Variants in SELENOF observed in about 807,000 individuals in gnomAD.
SELENOF encodes the protein 15 kDa selenoprotein.
SELENOF carries 16 observed loss-of-function variants against 20.5 expected under a neutral mutation model. The ratio of observed to expected loss-of-function variants is 0.78; its 90% CI spans 0.53 to 1.19. The LOEUF (loss-of-function observed/expected upper bound fraction) is 1.19. Ranked by LOEUF, SELENOF falls within the 50% of genes most tolerant of loss-of-function variation. The probability of loss-of-function intolerance (pLI) is 0.00; values close to 1 mark genes in which losing one functional copy is unlikely to be tolerated. For missense variants in SELENOF, 215 were observed against 194.2 expected, an observed-to-expected ratio of 1.11 and a Z score of -0.64; for synonymous variants, 78 against 74.5, an observed-to-expected ratio of 1.05 and a Z score of -0.24.
At chr1:86,898,705 C>T (rs1397624423) in intron 2 of SELENOF, among the ~76,000 whole-genome samples, 1 of 151,712 alleles carries the variant, frequency 6.6e-6, no homozygotes, top group African/African-American at 2.4e-5. Flanking sequence ...CCTCAGCCTC[C>T]CAAGTAGCTG....
At chr1:86,885,725 GAA>G (rs1236699821) in intron 2 of SELENOF, among the ~76,000 whole-genome samples, 2 of 152,188 alleles carry the variant, frequency 1.3e-5, no homozygotes, top group Non-Finnish European at 2.9e-5. Context: ...ATGGTATAGT[GAA>G]AAGAGTCCAA....
At chr1:86,864,759 C>A (rs892756974) in intron 4 of SELENOF, among the ~76,000 whole-genome samples, 71 of 151,916 alleles carry the variant, frequency 4.7e-4, no homozygotes, top group African/African-American at 1.6e-3. Context: ...GCCTCAGCCT[C>A]CCGAGTAGCT....
chr1:86,882,452 C>T (rs1315115498), intron 2 of SELENOF, among the ~76,000 whole-genome samples: 1 of 147,678 alleles, frequency 6.8e-6, no homozygotes, highest in Non-Finnish European at 1.5e-5. Context: ...CATATCAAAA[C>T]CACAATGAGA....
At chr1:86,875,412 T>C (rs1658900537) in intron 3 of SELENOF, among the ~76,000 whole-genome samples, 1 of 152,058 alleles carries the variant, frequency 6.6e-6, no homozygotes. Context: ...ACTAAAAAAT[T>C]ATGACTTTTA....
chr1:86,882,198 G>A (rs1659089835), intron 2 of SELENOF, among the ~76,000 whole-genome samples: 1 of 134,320 alleles, frequency 7.4e-6, no homozygotes. Flanking sequence ...GCAGTGAGCC[G>A]AGATCACGCC....
At chr1:86,875,865 G>T (rs1281705122) in intron 3 of SELENOF, among the ~76,000 whole-genome samples, 1 of 152,186 alleles carries the variant, frequency 6.6e-6, no homozygotes, top group East Asian at 1.9e-4. Flanking sequence ...AAGTTAGCAA[G>T]AATATTCAGT....
At chr1:86,866,278 T>C (rs2753280) in intron 4 of SELENOF, among the ~76,000 whole-genome samples, 17,603 of 137,134 alleles carry the variant, frequency 0.13, 1,175 homozygotes, top group Non-Finnish European at 0.14. Flanking sequence ...TGGAATACTA[T>C]GCATTCTTAA....
chr1:86,904,937 T>C (rs1659792216), intron 1 of SELENOF, among the ~76,000 whole-genome samples: 1 of 152,254 alleles, frequency 6.6e-6, no homozygotes, highest in Non-Finnish European at 1.5e-5. Flanking sequence ...GATATGCATT[T>C]ATTGAAAACT....
chr1:86,867,116 C>T, intron 4 of SELENOF, among the ~76,000 whole-genome samples: 1 of 152,044 alleles, frequency 6.6e-6, no homozygotes, highest in East Asian at 1.9e-4. Flanking sequence ...AATAAGAAGC[C>T]AATCTGAAAA....
At chr1:86,897,802 G>A (rs1275873837) in intron 2 of SELENOF, among the ~76,000 whole-genome samples, 5 of 152,196 alleles carry the variant, frequency 3.3e-5, no homozygotes, top group Admixed American at 3.3e-4. Context: ...AAGCAAAAAA[G>A]AGGCTGCAAG....
At chr1:86,914,355 T>C (rs1273331432), upstream of SELENOF, 2 of 555,418 alleles carry the variant, frequency 3.6e-6, no homozygotes, top group African/African-American at 3.8e-5. Flanking sequence ...CTCCTTTCTT[T>C]TATTCACGAC....
chr1:86,914,141 A>G, upstream of SELENOF: 1 of 1,606,952 alleles, frequency 6.2e-7, no homozygotes, highest in Non-Finnish European at 8.5e-7. Flanking sequence ...GCCTAGAAGG[A>G]CCCCTAAGCT....
chr1:86,874,861 T>C (rs1658883884), intron 3 of SELENOF, among the ~76,000 whole-genome samples: 1 of 152,232 alleles, frequency 6.6e-6, no homozygotes, highest in African/African-American at 2.4e-5. Context: ...AACATCAATA[T>C]AGAGAATGGC....
At chr1:86,868,610 G>C (rs1461158636) in intron 3 of SELENOF, among the ~76,000 whole-genome samples, 2 of 152,022 alleles carry the variant, frequency 1.3e-5, no homozygotes, top group African/African-American at 2.4e-5. Flanking sequence ...CTGGCAGTGT[G>C]TATGAGTTAC....
At chr1:86,898,063 C>G (rs537210897) in intron 2 of SELENOF, among the ~76,000 whole-genome samples, 1 of 152,270 alleles carries the variant, frequency 6.6e-6, no homozygotes, top group South Asian at 2.1e-4. Context: ...AAAAACAGTA[C>G]TAAAATTTAA....
intron 2 of SELENOF, among the ~76,000 whole-genome samples, chr1:86,891,037 T>C (rs1469689261): frequency 6.6e-6 from 1 of 151,572 alleles, no homozygotes; most frequent in Non-Finnish European, 1.5e-5. Context: ...CAGTCCAGCT[T>C]CCATGCCTAT....
chr1:86,890,243 T>C (rs1443557739), intron 2 of SELENOF, among the ~76,000 whole-genome samples: 3 of 152,162 alleles, frequency 2.0e-5, no homozygotes, highest in Non-Finnish European at 4.4e-5. Context: ...CTCTCAACCA[T>C]TTGCCTACTT....
chr1:86,869,720 CTTCCTTCT>C (rs1199255845), intron 3 of SELENOF, among the ~76,000 whole-genome samples: 1 of 150,608 alleles, frequency 6.6e-6, no homozygotes, highest in African/African-American at 2.4e-5. Context: ...TCCTTCCTTC[CTTCCTTCT>C]TTCTTTCTTT....
At chr1:86,914,362 C>A, upstream of SELENOF, 1 of 538,930 alleles carries the variant, frequency 1.9e-6, no homozygotes, top group South Asian at 2.2e-5. Context: ...CTTTTATTCA[C>A]GACACTTCGT....
Sources: gnomAD v4.1 joint callset for allele counts (sites outside exome capture counted in the v4.1 genomes callset) on GRCh38, gnomAD v4.1.1 for gene constraint, MANE v1.5 for transcripts, NCBI Gene and HGNC (gene_info 2026-07-23, HGNC 2026-07-21) for gene names.